Variants in SPAM1 observed in about 807,000 individuals in gnomAD.
SPAM1 encodes sperm adhesion molecule 1, also known as hyaluronidase PH-20.
Under a neutral mutation model 29.6 loss-of-function variants are expected in SPAM1, and 22 were observed. That is an observed-to-expected ratio of 0.74 (90% confidence interval 0.53 to 1.06). SPAM1 has a LOEUF of 1.06. Among genes scored for constraint, SPAM1 ranks in the 50% least tolerant of loss-of-function variants. The pLI, the probability that SPAM1 is intolerant of heterozygous loss-of-function variation, is 0.00. For missense variants in SPAM1, 534 were observed against 604.0 expected, an observed-to-expected ratio of 0.88 and a Z score of 1.21; for synonymous variants, 194 against 204.6, an observed-to-expected ratio of 0.95 and a Z score of 0.44.
At chr7:123,958,584 G>A (rs1792295406) in intron 4 of SPAM1, among the ~76,000 whole-genome samples, 1 of 151,976 alleles carries the variant, frequency 6.6e-6, no homozygotes, top group Non-Finnish European at 1.5e-5. Context: ...TCCCAACACT[G>A]TGGAAGGATG....
At chr7:123,959,396 G>T (rs1009051727) in intron 4 of SPAM1, 88 bp from the exon 5 acceptor site, 2 of 869,048 alleles carry the variant, frequency 2.3e-6, no homozygotes, top group Non-Finnish European at 3.5e-6. Context: ...TCATTCTTCT[G>T]TAAAAAAATT....
At position 123,950,655 on chromosome 7, in the gene SPAM1, A is replaced by G. The variant is rs542906688; in HGVS notation, c.-207+672A>G. Among the ~76,000 whole-genome samples the G allele has an allele frequency of 1.7e-4, 26 of 152,156 alleles. No homozygotes were observed. In the South Asian group the frequency reaches 3.9e-3, roughly 23 times the overall value. ...ATATATACCAAATTTTCTTTTTCCA[A>G]TCCACCAATGAGGAACACTTAGGTT... On this transcript the variant is annotated intron_variant, in intron 2 of 4. Coordinates refer to ENST00000682466, the MANE Select transcript of SPAM1 (RefSeq NM_153189.3).
intron 1 of SPAM1, among the ~76,000 whole-genome samples, chr7:123,934,471 C>G (rs1426066506): frequency 6.6e-6 from 1 of 152,014 alleles, no homozygotes; most frequent in Non-Finnish European, 1.5e-5. Flanking sequence ...TCATATTACC[C>G]AGAACTCCCA....
intron 5 of SPAM1, among the ~76,000 whole-genome samples, chr7:123,965,125 T>C (rs150647758): frequency 5.9e-5 from 9 of 152,130 alleles, no homozygotes; most frequent in Non-Finnish European, 1.3e-4. Context: ...GTCAGACAGC[T>C]AATAAGTCCT....
At chr7:123,931,187 C>T (rs959576449) in intron 1 of SPAM1, among the ~76,000 whole-genome samples, 1 of 152,172 alleles carries the variant, frequency 6.6e-6, no homozygotes, top group Non-Finnish European at 1.5e-5. Flanking sequence ...TGACCTTCTT[C>T]TGCCCTCCTG....
Position 123,949,924 on chromosome 7 carries a change from C to A in SPAM1, c.-266C>A, listed in dbSNP as rs1290961228. ...GGAAGACATTGAGACCAGCCAACTT[C>A]TTGCCTTGATAACTACTGAAGAGAC... On this transcript the variant is annotated 5_prime_UTR_variant, in exon 2 of 5. Coordinates refer to ENST00000682466, the MANE Select transcript of SPAM1 (RefSeq NM_153189.3). 6.6e-6 allele frequency: 1 copy of A among 151,012 alleles called. No individual in the cohort carries two copies. The highest frequency in any genetic ancestry group is 1.5e-5 in the Non-Finnish European group (1 of 67,928). The allele number at this position is 151,012 out of a possible 1,614,324, so 9.4% of individuals were successfully genotyped here.
intron 4 of SPAM1, among the ~76,000 whole-genome samples, chr7:123,956,545 C>T (rs1792251932): frequency 6.6e-6 from 1 of 151,958 alleles, no homozygotes; most frequent in African/African-American, 2.4e-5. Context: ...GCCAGCCCTA[C>T]TGCTCCCAGC....
downstream of SPAM1, among the ~76,000 whole-genome samples, chr7:123,962,555 A>G (rs1393323079): frequency 2.0e-5 from 3 of 151,678 alleles, no homozygotes; most frequent in Non-Finnish European, 2.9e-5. Flanking sequence ...TGTTACCTGT[A>G]CTTTCATAGT....
At chr7:123,961,396 A>G (rs560387307), downstream of SPAM1, among the ~76,000 whole-genome samples, 8 of 152,076 alleles carry the variant, frequency 5.3e-5, no homozygotes, top group African/African-American at 1.4e-4. Context: ...TAGCTCTCAC[A>G]TATGAGTGAG....
At chr7:123,969,255 G>C (rs767463648) in intron 5 of SPAM1, among the ~76,000 whole-genome samples, 5 of 152,020 alleles carry the variant, frequency 3.3e-5, no homozygotes, top group African/African-American at 4.8e-5. Context: ...TCACTCTGTT[G>C]GTTGTTGACT....
intron 5 of SPAM1, among the ~76,000 whole-genome samples, chr7:123,966,185 A>C (rs928620334): frequency 3.3e-5 from 5 of 152,062 alleles, no homozygotes; most frequent in African/African-American, 1.2e-4. Flanking sequence ...AACATCACTG[A>C]TCATTAGAGA....
At position 123,959,612 on chromosome 7, in the gene SPAM1, C is replaced by T. The variant is rs141795729; in HGVS notation, c.1173C>T (p.Asn391=). Residue 391 remains asparagine, a synonymous_variant, in exon 5 of 5, where the codon AAC becomes AAT. Coordinates refer to ENST00000682466, the MANE Select transcript of SPAM1 (RefSeq NM_153189.3). ...CQEQGVCIRK[N]WNSSDYLHLN... is the part of the protein sequence containing the mutation. The stretch of plus-strand genomic sequence containing the variant: ...AGCAAGGAGTGTGTATAAGGAAAAA[C>T]TGGAATTCAAGTGACTATCTTCACC... 2 of 1,613,144 alleles carry T rather than the reference C, an allele frequency of 1.2e-6. No homozygotes were observed. Among genetic ancestry groups the T allele is most frequent in the African/African-American group, 1.3e-5 (1 of 74,850 alleles).
intron 4 of SPAM1, among the ~76,000 whole-genome samples, chr7:123,957,903 C>A (rs559347565): frequency 2.0e-5 from 3 of 152,050 alleles, no homozygotes; most frequent in African/African-American, 7.2e-5. Flanking sequence ...CACTTTGAAT[C>A]TCTCCTTCCT....
chr7:123,952,547 T>C (rs1179346526), intron 2 of SPAM1, among the ~76,000 whole-genome samples: 1 of 152,144 alleles, frequency 6.6e-6, no homozygotes, highest in Admixed American at 6.6e-5. Flanking sequence ...CAGACCATTT[T>C]ATTGTACCAC....
At chr7:123,934,819 A>T (rs1448062204) in intron 1 of SPAM1, among the ~76,000 whole-genome samples, 2 of 152,194 alleles carry the variant, frequency 1.3e-5, no homozygotes, top group Non-Finnish European at 2.9e-5. Flanking sequence ...AATAGTGATT[A>T]CTAGAAGCTG....
chr7:123,947,313 T>C (rs993398395), intron 1 of SPAM1, among the ~76,000 whole-genome samples: 3 of 151,462 alleles, frequency 2.0e-5, no homozygotes, highest in African/African-American at 4.8e-5. Flanking sequence ...GTTTGGGAGG[T>C]CGACGTGGCG....
intron 6 of SPAM1, chr7:123,970,339 G>T (rs1042656490): frequency 1.3e-5 from 19 of 1,441,936 alleles, no homozygotes; most frequent in Non-Finnish European, 1.7e-5. Context: ...TTCTGTCTGT[G>T]ACCTTGTTTC....
At chr7:123,948,884 A>G (rs1808675392) in intron 1 of SPAM1, among the ~76,000 whole-genome samples, 1 of 151,950 alleles carries the variant, frequency 6.6e-6, no homozygotes, top group South Asian at 2.1e-4. Flanking sequence ...TATATCTGTT[A>G]TGATTCTCTA....
At chr7:123,970,266 T>C (rs763827882) in exon 6 of SPAM1, 5 of 1,548,026 alleles carry the variant, frequency 3.2e-6, no homozygotes, top group Non-Finnish European at 4.4e-6. Context: ...GAGGGAAAAA[T>C]GTGTTTCAGG....
Sources: allele counts gnomAD v4.1 joint callset (sites outside exome capture counted in the v4.1 genomes callset), GRCh38; gene constraint gnomAD v4.1.1; transcripts MANE v1.5; gene names NCBI Gene and HGNC (gene_info 2026-07-23, HGNC 2026-07-21).